The following HPN variants were observed in gnomAD, a reference collection of about 807,000 sequenced individuals.
The protein encoded by HPN is hepsin, also known as serine protease hepsin.
HPN carries 13 observed loss-of-function variants against 55.9 expected under a neutral mutation model. The observed-to-expected ratio is 0.23, with a 90% CI of 0.15 to 0.37. The LOEUF is 0.37. Among genes scored for constraint, HPN ranks in the 10% least tolerant of loss-of-function variants. The pLI is 1.00. For synonymous variants in HPN, 225 were observed against 240.3 expected, an observed-to-expected ratio of 0.94 and a Z score of 0.59; for missense variants, 451 against 575.8, an observed-to-expected ratio of 0.78 and a Z score of 2.22.
chr19:35,042,365 G>A, intron 1 of HPN, 88 bp from the exon 2 acceptor site: 11 of 1,462,760 alleles, frequency 7.5e-6, no homozygotes, highest in Non-Finnish European at 9.9e-6. Context: ...CCTACAGCCT[G>A]CCTGGATGGA....
At chr19:35,060,575 AG>A in intron 8 of HPN, 51 bp from the exon 9 acceptor site, 1 of 1,612,024 alleles carries the variant, frequency 6.2e-7, no homozygotes, top group Non-Finnish European at 8.5e-7. Context: ...AGTGGGGAGG[AG>A]GGCGGATTGT....
At chr19:35,052,466 T>G (rs1359038566) in intron 4 of HPN, among the ~76,000 whole-genome samples, 1 of 149,588 alleles carries the variant, frequency 6.7e-6, no homozygotes, top group Non-Finnish European at 1.5e-5. Flanking sequence ...AGGCGCGGGT[T>G]GCAGGTTGCA....
At chr19:35,057,094 G>T (rs909659552) in intron 4 of HPN, among the ~76,000 whole-genome samples, 1 of 152,176 alleles carries the variant, frequency 6.6e-6, no homozygotes, top group East Asian at 1.9e-4. Context: ...AGTCACAGAG[G>T]TTCTTCAAAC....
intron 4 of HPN, among the ~76,000 whole-genome samples, chr19:35,058,099 G>C (rs2064475999): frequency 6.6e-6 from 1 of 151,782 alleles, no homozygotes; most frequent in Non-Finnish European, 1.5e-5. Flanking sequence ...GTTGCAGTGA[G>C]CTGAGATTGC....
intron 4 of HPN, among the ~76,000 whole-genome samples, chr19:35,058,582 ATATAT>A (rs1267729810): frequency 1.4e-3 from 210 of 147,116 alleles, no homozygotes; most frequent in African/African-American, 4.9e-3. Context: ...TATTATAATA[ATATAT>A]TATTATATTA....
At chr19:35,066,073 T>C (rs748060908) in intron 12 of HPN, 41 bp downstream of exon 12, 3 of 1,609,974 alleles carry the variant, frequency 1.9e-6, no homozygotes, top group Non-Finnish European at 8.5e-7. Flanking sequence ...TGGGGACGTT[T>C]GGGTGTCTAA....
At chr19:35,057,968 T>C (rs1460699074) in intron 4 of HPN, among the ~76,000 whole-genome samples, 1 of 151,930 alleles carries the variant, frequency 6.6e-6, no homozygotes, top group Non-Finnish European at 1.5e-5. Flanking sequence ...CTGGCCAACA[T>C]GGTGAAACCC....
intron 9 of HPN, among the ~76,000 whole-genome samples, chr19:35,063,329 ATTATGTTTATTT>A (rs1330645592): frequency 6.6e-6 from 1 of 152,222 alleles, no homozygotes; most frequent in Non-Finnish European, 1.5e-5. Flanking sequence ...TGGGGTTGGC[ATTATGTTTATTT>A]TTATGTTTAT....
chr19:35,042,848 G>C (rs1469419167), intron 2 of HPN, among the ~76,000 whole-genome samples: 2 of 152,182 alleles, frequency 1.3e-5, no homozygotes, highest in Non-Finnish European at 2.9e-5. Context: ...TCATGGTTAA[G>C]GACACAGATT....
intron 1 of HPN, 58 bp from the exon 2 acceptor site, chr19:35,042,395 C>T: frequency 6.7e-7 from 1 of 1,495,958 alleles, no homozygotes; most frequent in South Asian, 1.3e-5. Context: ...CTGGGGGCGC[C>T]AGGACTGGGC....
chr19:35,044,634 G>C (rs527441539), intron 2 of HPN, among the ~76,000 whole-genome samples: 12 of 152,254 alleles, frequency 7.9e-5, no homozygotes, highest in African/African-American at 2.9e-4. Context: ...TCTGGTACCT[G>C]ATAGTGACCC....
chr19:35,054,030 G>A (rs1255980818), intron 4 of HPN, among the ~76,000 whole-genome samples: 2 of 152,310 alleles, frequency 1.3e-5, no homozygotes, highest in Admixed American at 6.5e-5. Context: ...TGCTGGTCTG[G>A]GTTCAAGTCC....
At chr19:35,046,990 G>A (rs954525704) in intron 2 of HPN, among the ~76,000 whole-genome samples, 12 of 151,952 alleles carry the variant, frequency 7.9e-5, no homozygotes, top group African/African-American at 1.9e-4. Context: ...CACTGCGCCC[G>A]GCTAATTTTT....
Position 35,041,790 on chromosome 19 carries a change from C to A in HPN, c.-137C>A. 7.5e-7 allele frequency: 1 copy of A among 1,324,770 alleles called. No homozygotes were observed. The highest frequency in any genetic ancestry group is 1.2e-5 in the South Asian group (1 of 84,260). The allele number at this position is 1,324,770 out of a possible 1,614,324, so 82.1% of individuals were successfully genotyped here. A position where few individuals can be genotyped will look rare whatever the true frequency, so the allele number is the denominator to read the frequency against. ...CTCCAGGCCGCCCGCTGCTGCGGGG[C>A]CACCATGCTCCTGCCCAGGCCTGGA... On this transcript the variant is annotated 5_prime_UTR_variant, in exon 1 of 13. Coordinates refer to ENST00000672452, the MANE Select transcript of HPN (RefSeq NM_001384133.1).
At chr19:35,052,628 T>C (rs937174286) in intron 4 of HPN, among the ~76,000 whole-genome samples, 3 of 152,130 alleles carry the variant, frequency 2.0e-5, no homozygotes, top group Non-Finnish European at 4.4e-5. Flanking sequence ...AAATTCTTTC[T>C]TGAAATTTCT....
chr19:35,061,489 GA>G (rs748780509), intron 9 of HPN, among the ~76,000 whole-genome samples: 13 of 152,206 alleles, frequency 8.5e-5, no homozygotes, highest in Non-Finnish European at 1.9e-4. Flanking sequence ...AGCTACTCGG[GA>G]GGATGAGGCA....
At chr19:35,053,399 C>G (rs550391643) in intron 4 of HPN, among the ~76,000 whole-genome samples, 1 of 152,130 alleles carries the variant, frequency 6.6e-6, no homozygotes, top group African/African-American at 2.4e-5. Context: ...GTGATGAGGA[C>G]CCCCCAGCTA....
rs2064503083 is a variant in HPN at position 35,059,703 on chromosome 19, T to C, written c.191T>C (p.Met64Thr). 1.2e-6 allele frequency: 2 copies of C among 1,600,766 alleles called. No individual in the cohort carries two copies. The highest frequency in any genetic ancestry group is 1.7e-6 in the Non-Finnish European group (2 of 1,174,450). ...VQVSSADARL[M>T]VFDKTEGTWR... ...GTCAGCTCTGCGGACGCTCGGCTCA[T>C]GGTCTTTGACAAGACGGAAGGGACG... The change falls in exon 5 of 13, where the codon ATG becomes ACG. Residue 64 changes from methionine (M) to threonine (T), a missense_variant. Met to Thr is a moderately conservative substitution (Grantham distance 81, BLOSUM62 -1). Coordinates refer to ENST00000672452, the MANE Select transcript of HPN (RefSeq NM_001384133.1).
Position 35,059,870 on chromosome 19 carries a change from C to A in HPN, c.291-4C>A. On this transcript the variant is annotated splice_region_variant and splice_polypyrimidine_tract_variant and intron_variant, in intron 5 of 12. Transcript: ENST00000672452. ...GGAGCAGGCCTAACCCCTGCCCCGCCCAGGGCACTGACCCACTCCGAGCTG... is the reference window on the plus strand; with the variant it reads ...GGAGCAGGCCTAACCCCTGCCCCGCACAGGGCACTGACCCACTCCGAGCTG... 6.7e-7 allele frequency: 1 copy of A among 1,500,372 alleles called. No homozygotes were observed. The allele number at this position is 1,500,372 out of a possible 1,614,324, so 92.9% of individuals were successfully genotyped here. A position where few individuals can be genotyped will look rare whatever the true frequency, so the allele number is the denominator to read the frequency against.
Sources: gnomAD v4.1 joint callset for allele counts (sites outside exome capture counted in the v4.1 genomes callset) on GRCh38, gnomAD v4.1.1 for gene constraint, MANE v1.5 for transcripts, NCBI Gene and HGNC (gene_info 2026-07-23, HGNC 2026-07-21) for gene names.